Variants in CDK14 observed in about 807,000 individuals in gnomAD.
CDK14 encodes cyclin-dependent kinase 14.
CDK14 carries 34 observed loss-of-function variants against 60.7 expected under a neutral mutation model. The observed-to-expected ratio is 0.56, with a 90% CI of 0.43 to 0.75. The LOEUF is 0.75. Ranked by LOEUF, CDK14 falls within the 30% of genes least tolerant of loss-of-function variation. CDK14 has a pLI of 0.00. For missense variants in CDK14, 482 were observed against 564.1 expected (o/e 0.85, Z 1.47); for synonymous variants, 197 against 203.7 (o/e 0.97, Z 0.28).
intron 10 of CDK14, among the ~76,000 whole-genome samples, chr7:90,992,341 A>G (rs1035832444): frequency 2.6e-5 from 4 of 152,218 alleles, no homozygotes; most frequent in Non-Finnish European, 5.9e-5. Context: ...CTTTCTATAA[A>G]ATGGAAAATG....
chr7:90,840,970 A>G (rs1790269638), intron 5 of CDK14, among the ~76,000 whole-genome samples: 1 of 152,228 alleles, frequency 6.6e-6, no homozygotes, highest in Admixed American at 6.5e-5. Context: ...ACACACTCAT[A>G]TGCACATACA....
At position 90,726,894 on chromosome 7, in the gene CDK14, A is replaced by G. The variant is rs539744076; in HGVS notation, c.369+82A>G. 11 of 1,516,732 alleles carry G rather than the reference A, an allele frequency of 7.3e-6. No individual in the cohort carries two copies. In the African/African-American group the frequency reaches 1.4e-4, roughly 19 times the overall value. 94.0% of individuals were successfully genotyped at this position (1,516,732 alleles called of 1,614,324 possible). On this transcript the variant is annotated intron_variant, in intron 3 of 14. Transcript: ENST00000380050. ...ATAGCATGCGGTGCTGGAAGACAGC[A>G]GGAAACTTTATCAGTGCCTTATTAT...
intron 11 of CDK14, among the ~76,000 whole-genome samples, chr7:91,068,747 C>A (rs1798050308): frequency 6.7e-6 from 1 of 148,332 alleles, no homozygotes. Flanking sequence ...GGGCTCCCTG[C>A]TTCCAACCTT....
intron 5 of CDK14, among the ~76,000 whole-genome samples, chr7:90,811,046 G>A (rs1216563590): frequency 9.2e-5 from 14 of 152,306 alleles, no homozygotes; most frequent in African/African-American, 2.6e-4. Flanking sequence ...ACTGCCCAAG[G>A]TAATTTATAG....
intron 11 of CDK14, among the ~76,000 whole-genome samples, chr7:91,064,501 A>G (rs1797913398): frequency 1.3e-5 from 2 of 152,234 alleles, no homozygotes; most frequent in African/African-American, 4.8e-5. Context: ...CAGTGAGTTC[A>G]TATTTGCAAA....
chr7:90,672,491 C>T (rs1194697412), intron 2 of CDK14, among the ~76,000 whole-genome samples: 1 of 117,746 alleles, frequency 8.5e-6, no homozygotes, highest in Non-Finnish European at 1.7e-5. Flanking sequence ...TGCATCAGTG[C>T]TTCTTCTTCT....
In CDK14 at chr7:90,987,252, G is replaced by T. The variant is rs549757771; in HGVS notation, c.1041+3011G>T. On this transcript the variant is annotated intron_variant, in intron 10 of 14. Transcript: ENST00000380050. ...TCAGAGACCTTTGAGCTATGACTAG[G>T]CTTTTAATAAGTCAGATAAATAAAT... Among the ~76,000 whole-genome samples the T allele has an allele frequency of 2.0e-5, 3 of 151,928 alleles. No homozygotes were observed. The East Asian group carries it at 5.8e-4, about 29-fold the overall frequency.
intron 2 of CDK14, among the ~76,000 whole-genome samples, chr7:90,607,348 A>T (rs986488659): frequency 6.6e-6 from 1 of 151,970 alleles, no homozygotes; most frequent in Admixed American, 6.6e-5. Flanking sequence ...AGGTGTGGCA[A>T]CTCTCCTTAG....
chr7:90,885,319 A>G (rs1252052904), intron 6 of CDK14, among the ~76,000 whole-genome samples: 2 of 152,218 alleles, frequency 1.3e-5, no homozygotes, highest in Admixed American at 6.5e-5. Context: ...ACCAACAAAC[A>G]TGAAAAAAAT....
chr7:90,795,996 C>T (rs982523360), intron 5 of CDK14, among the ~76,000 whole-genome samples: 6 of 152,276 alleles, frequency 3.9e-5, no homozygotes, highest in African/African-American at 1.4e-4. Context: ...GTGAGGCAAG[C>T]TCCTGAGGCA....
intron 2 of CDK14, among the ~76,000 whole-genome samples, chr7:90,640,407 A>G (rs1277313311): frequency 1.3e-5 from 2 of 152,162 alleles, no homozygotes; most frequent in African/African-American, 2.4e-5. Flanking sequence ...TAAAAATTTT[A>G]AAGTATGTAT....
chr7:91,075,434 A>C (rs977934561), intron 11 of CDK14, among the ~76,000 whole-genome samples: 5 of 152,190 alleles, frequency 3.3e-5, no homozygotes, highest in African/African-American at 4.8e-5. Flanking sequence ...CATGTTAAAA[A>C]CTCTCAATAA....
chr7:90,827,622 C>T (rs1028302389), intron 5 of CDK14, among the ~76,000 whole-genome samples: 1 of 152,162 alleles, frequency 6.6e-6, no homozygotes, highest in African/African-American at 2.4e-5. Flanking sequence ...CTGTCTTCTG[C>T]CAGTGGGTAA....
At chr7:90,887,623 A>G (rs149370910) in intron 6 of CDK14, among the ~76,000 whole-genome samples, 99 of 152,284 alleles carry the variant, frequency 6.5e-4, no homozygotes, top group African/African-American at 2.2e-3. Context: ...CTAGCTTACA[A>G]CTTTTGCCCC....
intron 4 of CDK14, among the ~76,000 whole-genome samples, chr7:90,777,280 CT>C (rs1226091708): frequency 6.6e-6 from 1 of 152,158 alleles, no homozygotes; most frequent in East Asian, 1.9e-4. Context: ...TTCAGTATCT[CT>C]TTTACGTGGT....
intron 4 of CDK14, among the ~76,000 whole-genome samples, chr7:90,778,898 T>TCCTTCCTTCCTTCCTTCCTTCCTTC (rs77350633): frequency 9.6e-5 from 12 of 125,188 alleles, no homozygotes; most frequent in East Asian, 2.5e-4. Flanking sequence ...CTTCCTTCCT[T>TCCTTCCTTCCTTCCTTCCTTCCTTC]CTTTTCTCTC....
chr7:91,046,206 G>A (rs1165842661), intron 11 of CDK14, among the ~76,000 whole-genome samples: 2 of 152,098 alleles, frequency 1.3e-5, no homozygotes, highest in African/African-American at 4.8e-5. Context: ...TGATCTTGCA[G>A]TAACCATTAA....
At chr7:90,888,350 A>T (rs371102403) in intron 6 of CDK14, among the ~76,000 whole-genome samples, 9 of 152,114 alleles carry the variant, frequency 5.9e-5, no homozygotes, top group South Asian at 2.1e-4. Flanking sequence ...CTCCATCTAA[A>T]AATAATAATA....
chr7:90,858,553 A>G (rs1328830299), intron 5 of CDK14, among the ~76,000 whole-genome samples: 2 of 152,224 alleles, frequency 1.3e-5, no homozygotes, highest in Non-Finnish European at 2.9e-5. Flanking sequence ...AATAATGTTC[A>G]ATAATATGTT....
Sources: gnomAD v4.1 joint callset for allele counts (sites outside exome capture counted in the v4.1 genomes callset) on GRCh38, gnomAD v4.1.1 for gene constraint, MANE v1.5 for transcripts, NCBI Gene and HGNC (gene_info 2026-07-23, HGNC 2026-07-21) for gene names.